NSUN6: variants seen among roughly 807,000 people sequenced by gnomAD.
NSUN6 encodes the protein NOP2/Sun RNA methyltransferase 6, also known as tRNA (cytosine(72)-C(5))-methyltransferase NSUN6.
NSUN6 carries 64 observed loss-of-function variants against 58.0 expected under a neutral mutation model. The observed-to-expected ratio is 1.10, with a 90% confidence interval of 0.90 to 1.36. The LOEUF is 1.36. Among genes scored for constraint, NSUN6 ranks in the 40% most tolerant of loss-of-function variants. The pLI is 0.00. For missense variants in NSUN6, 701 were observed against 550.1 expected (o/e 1.27, Z -2.74); for synonymous variants, 231 against 193.9 (o/e 1.19, Z -1.59).
Position 18,642,478 on chromosome 10 carries a change from G to C in NSUN6, c.309C>G (p.Pro103=), listed in dbSNP as rs758956982. Residue 103 remains proline (P), a splice_region_variant and synonymous_variant, in exon 3 of 11, where the codon CCC becomes CCG. Coordinates refer to ENST00000377304, the MANE Select transcript of NSUN6 (RefSeq NM_182543.5). ...TTGGAAATGAAGTTCTTACAAACCT[G>C]GGTCCAATAACAGGAATAAGTAACA... ...QDVLLIPVIG[P]RKNIKKQQCE... is the part of the protein sequence containing the mutation. 1.4e-6 allele frequency: 2 copies of C among 1,471,012 alleles called. No homozygotes were observed. Among genetic ancestry groups the C allele is most frequent in the Non-Finnish European group, 9.5e-7 (1 of 1,052,510 alleles). 91.1% of individuals were successfully genotyped at this position (1,471,012 alleles called of 1,614,324 possible).
At chr10:18,571,593 C>T (rs1281203135) in intron 8 of NSUN6, among the ~76,000 whole-genome samples, 1 of 151,350 alleles carries the variant, frequency 6.6e-6, no homozygotes, top group Non-Finnish European at 1.5e-5. Flanking sequence ...CATTCCATTC[C>T]ATTCTCTATT....
intron 3 of NSUN6, among the ~76,000 whole-genome samples, chr10:18,620,246 C>T (rs964427242): frequency 6.6e-6 from 1 of 152,112 alleles, no homozygotes; most frequent in Non-Finnish European, 1.5e-5. Context: ...CGCCACCATA[C>T]CCGGCTAATT....
At position 18,647,945 on chromosome 10, in the gene NSUN6, G is replaced by C. The variant is rs2059596704; in HGVS notation, c.231+545C>G. 6.6e-5 allele frequency among the ~76,000 whole-genome samples: 10 copies of C among 152,058 alleles called. No individual in the cohort carries two copies. In the South Asian group the frequency reaches 2.1e-3, roughly 32 times the overall value. ...GTAGAGACAGGGTTTCGCCATACTG[G>C]CCAGGCTGGTCCCAAAGTCCTGGCC... is the stretch of plus-strand genomic sequence containing the variant. On this transcript the variant is annotated intron_variant, in intron 2 of 10. Transcript: ENST00000377304.
At chr10:18,589,622 G>C (rs886581404) in intron 7 of NSUN6, among the ~76,000 whole-genome samples, 4 of 152,072 alleles carry the variant, frequency 2.6e-5, no homozygotes, top group Non-Finnish European at 4.4e-5. Context: ...TTAAATAAAA[G>C]AATTTTCAAC....
chr10:18,623,591 A>G (rs2058684854), intron 3 of NSUN6, among the ~76,000 whole-genome samples: 1 of 152,220 alleles, frequency 6.6e-6, no homozygotes, highest in African/African-American at 2.4e-5. Flanking sequence ...TCTTACCAGT[A>G]TCCTGTTCAG....
At chr10:18,573,597 G>A (rs969878370) in intron 8 of NSUN6, among the ~76,000 whole-genome samples, 2 of 152,018 alleles carry the variant, frequency 1.3e-5, no homozygotes, top group Admixed American at 1.3e-4. Context: ...TGTCATCCCA[G>A]AACAAATATG....
rs370117439 is a variant in NSUN6 at position 18,559,615 on chromosome 10, C to T, written c.923-7644G>A. Among the ~76,000 whole-genome samples, 37 of 129,864 alleles carry T rather than the reference C, an allele frequency of 2.8e-4. 2 individuals carry two copies. The East Asian group carries it at 4.1e-3, about 14-fold the overall frequency. The allele number at this position is 129,864 out of a possible 152,430, so 85.2% of individuals were successfully genotyped here. On this transcript the variant is annotated intron_variant, in intron 8 of 10. Transcript: ENST00000377304. ...ATGGAATGGAGAATGGAATGGAATGCGGAATGGAATGGAGAATGGAATGGA... is the reference window on the plus strand; with the variant it reads ...ATGGAATGGAGAATGGAATGGAATGTGGAATGGAATGGAGAATGGAATGGA...
chr10:18,556,465 AGAATGGAATG>A lies in NSUN6; in HGVS notation c.923-4504_923-4495del, dbSNP rs538928214. Among the ~76,000 whole-genome samples the A allele has an allele frequency of 8.0e-5, 12 of 150,654 alleles. No homozygotes were observed. In the South Asian group the frequency reaches 8.3e-4, roughly 10 times the overall value. On this transcript the variant is annotated intron_variant, in intron 8 of 10. Transcript: ENST00000377304. The stretch of plus-strand genomic sequence containing the variant: ...TGGAATGCAGAATGGGATGAAATGG[AGAATGGAATG>A]GAATGGAATGGAGAATGGAATAGAG...
In NSUN6 at chr10:18,623,589, G is replaced by A. The variant is rs117045087; in HGVS notation, c.312-7296C>T. Among the ~76,000 whole-genome samples the A allele has an allele frequency of 2.8e-3, 431 of 152,278 alleles. 1 individual carries two copies. The highest frequency in any genetic ancestry group is 4.2e-3 in the Admixed American group (64 of 15,298). ...ATCAGAATCTAGGAATGTCTTACCAGTATCCTGTTCAGAGGAGACAAGTGT... is the reference window on the plus strand; with the variant it reads ...ATCAGAATCTAGGAATGTCTTACCAATATCCTGTTCAGAGGAGACAAGTGT... On this transcript the variant is annotated intron_variant, in intron 3 of 10. Transcript: ENST00000377304.
intron 6 of NSUN6, among the ~76,000 whole-genome samples, chr10:18,597,224 T>C (rs989519775): frequency 6.6e-6 from 1 of 152,224 alleles, no homozygotes; most frequent in African/African-American, 2.4e-5. Context: ...CTACTTACTA[T>C]AGAATGATAG....
intron 3 of NSUN6, among the ~76,000 whole-genome samples, chr10:18,633,276 G>A (rs1429731620): frequency 6.8e-6 from 1 of 147,046 alleles, no homozygotes; most frequent in Non-Finnish European, 1.5e-5. Context: ...GGAGCGGGGA[G>A]GGGGGAGGGA....
At chr10:18,583,823 T>C (rs2057008819) in intron 8 of NSUN6, among the ~76,000 whole-genome samples, 1 of 152,206 alleles carries the variant, frequency 6.6e-6, no homozygotes, top group Non-Finnish European at 1.5e-5. Context: ...TGTAATCTTG[T>C]AACTGAGTGC....
upstream of NSUN6, chr10:18,653,352 G>T (rs2059741562): frequency 3.1e-6 from 3 of 979,384 alleles, no homozygotes; most frequent in African/African-American, 3.5e-5. Flanking sequence ...TGCCACACAC[G>T]GACAGAATTG....
At chr10:18,558,199 CAATGGAGAATGG>C (rs1268371523) in intron 8 of NSUN6, among the ~76,000 whole-genome samples, 3 of 139,192 alleles carry the variant, frequency 2.2e-5, no homozygotes, top group African/African-American at 5.4e-5. Flanking sequence ...CAGTGGAATG[CAATGGAGAATGG>C]AATGGGGAAT....
intron 8 of NSUN6, among the ~76,000 whole-genome samples, chr10:18,576,355 G>C (rs756955474): frequency 1.1e-4 from 17 of 151,948 alleles, no homozygotes; most frequent in Non-Finnish European, 1.6e-4. Flanking sequence ...TTAGTGAATT[G>C]GGACCATTTA....
rs766216124 is a variant in NSUN6, at chr10:18,546,145, C to T, written c.1198G>A (p.Glu400Lys). Reference sequence around the variant, plus strand: ...ATTCCTTCTCCTCCAATCTGCGGTTCCTGTTTGGAGAAAGTGGATCAATAT... The same window carrying T: ...ATTCCTTCTCCTCCAATCTGCGGTTTCTGTTTGGAGAAAGTGGATCAATAT... ...KFPCLQLQPQ[E>K]PQIGGEGMRG... The change falls in exon 11 of 11, where the codon GAA becomes AAA. Residue 400 changes from glutamate to lysine, a missense_variant and splice_region_variant. Coordinates refer to ENST00000377304, the MANE Select transcript of NSUN6 (RefSeq NM_182543.5). 3.1e-6 allele frequency: 5 copies of T among 1,605,684 alleles called. No individual in the cohort carries two copies. The highest frequency in any genetic ancestry group is 4.3e-6 in the Non-Finnish European group (5 of 1,172,544).
intron 8 of NSUN6, among the ~76,000 whole-genome samples, chr10:18,558,749 T>C (rs2055246169): frequency 6.9e-6 from 1 of 144,730 alleles, no homozygotes; most frequent in African/African-American, 2.6e-5. Flanking sequence ...TGGAAAGGAA[T>C]GGAATGGAGG....
At chr10:18,652,990 G>A, upstream of NSUN6, 2 of 984,766 alleles carry the variant, frequency 2.0e-6, no homozygotes, top group Non-Finnish European at 2.4e-6. Context: ...CTTGACCATA[G>A]CATATTTCTT....
chr10:18,632,579 T>A (rs899811905), intron 3 of NSUN6, among the ~76,000 whole-genome samples: 1 of 151,006 alleles, frequency 6.6e-6, no homozygotes, highest in African/African-American at 2.4e-5. Flanking sequence ...AACAACCCCA[T>A]CAAAAAGTGG....
Sources: allele counts gnomAD v4.1 joint callset (sites outside exome capture counted in the v4.1 genomes callset), GRCh38; gene constraint gnomAD v4.1.1; transcripts MANE v1.5; gene names NCBI Gene and HGNC (gene_info 2026-07-23, HGNC 2026-07-21).